ITGAX: variants seen among roughly 807,000 people sequenced by gnomAD.
The protein encoded by ITGAX is integrin subunit alpha X.
ITGAX carries 99 observed loss-of-function variants against 140.2 expected under a neutral mutation model. The observed-to-expected ratio is 0.71, with a 90% CI of 0.60 to 0.83. The LOEUF is 0.83. Ranked by LOEUF, ITGAX falls within the 40% of genes least tolerant of loss-of-function variation. The probability of loss-of-function intolerance (pLI) is 0.00; values close to 1 mark genes in which losing one functional copy is unlikely to be tolerated. For synonymous variants in ITGAX, 631 were observed against 600.4 expected, an observed-to-expected ratio of 1.05 and a Z score of -0.75; for missense variants, 1,444 against 1,482.0, an observed-to-expected ratio of 0.97 and a Z score of 0.42.
At chr16:31,376,101 T>C (rs2081016740) in intron 20 of ITGAX, among the ~76,000 whole-genome samples, 1 of 152,232 alleles carries the variant, frequency 6.6e-6, no homozygotes, top group Non-Finnish European at 1.5e-5. Context: ...CTTTAAAGTG[T>C]TCAGAAAGAG....
At position 31,379,573 on chromosome 16, in the gene ITGAX, A is replaced by G. The variant is rs1253807732; in HGVS notation, c.2795A>G (p.Glu932Gly). The G allele has an allele frequency of 6.4e-7, 1 of 1,560,454 alleles. No individual in the cohort carries two copies. The highest frequency in any genetic ancestry group is 8.7e-7 in the Non-Finnish European group (1 of 1,150,898). ...TATGCGTCTTCTCTCTCCAGCCACG[A>G]ACAATTCACCAAATACCTCAACTTC... ...YAVYTVVSSH[E>G]QFTKYLNFSE... Residue 932 changes from glutamate to glycine, a missense_variant, in exon 24 of 30, where the codon GAA (glutamate) becomes GGA (glycine). Glu to Gly is a moderately conservative substitution (Grantham distance 98). Coordinates refer to ENST00000268296, the MANE Select transcript of ITGAX (RefSeq NM_000887.5).
At position 31,380,107 on chromosome 16, in the gene ITGAX, T is replaced by A. The variant is rs548620873; in HGVS notation, c.3060+42T>A. ...GCTGGCCCTCACTGTAGGCCCCACATCAGAGGAATTTAACCCAGGAGTTCA... is the reference window on the plus strand; with the variant it reads ...GCTGGCCCTCACTGTAGGCCCCACAACAGAGGAATTTAACCCAGGAGTTCA... On this transcript the variant is annotated intron_variant, in intron 26 of 29. Coordinates refer to ENST00000268296, the MANE Select transcript of ITGAX (RefSeq NM_000887.5). 11 of 1,587,716 alleles carry A rather than the reference T, an allele frequency of 6.9e-6. No homozygotes were observed. The East Asian group carries it at 2.5e-4, about 35-fold the overall frequency.
At chr16:31,364,851 T>TCCA (rs762052422) in intron 14 of ITGAX, among the ~76,000 whole-genome samples, 7 of 104,726 alleles carry the variant, frequency 6.7e-5, no homozygotes, top group Non-Finnish European at 1.3e-4. Flanking sequence ...CTACTAAAAA[T>TCCA]ACAAAAAAAA....
chr16:31,382,265 AG>A lies in ITGAX; in HGVS notation c.*359del. ...TTTTCTTTTCTTTTTTTTTTTTTTGAGACGGAGTCTCGCTCTGTCACCCAGG... is the reference window on the plus strand; with the variant it reads ...TTTTCTTTTCTTTTTTTTTTTTTTGAACGGAGTCTCGCTCTGTCACCCAGG... On this transcript the variant is annotated 3_prime_UTR_variant, in exon 30 of 30. Coordinates refer to ENST00000268296, the MANE Select transcript of ITGAX (RefSeq NM_000887.5). 1.5e-6 allele frequency: 1 copy of A among 671,918 alleles called. No individual in the cohort carries two copies. The highest frequency in any genetic ancestry group is 1.8e-6 in the Non-Finnish European group (1 of 565,128). 41.6% of individuals were successfully genotyped at this position (671,918 alleles called of 1,614,324 possible).
In ITGAX at chr16:31,380,382, G is replaced by A. The variant is rs2081057346; in HGVS notation, c.3174+3G>A. The A allele has an allele frequency of 3.7e-6, 6 of 1,613,750 alleles. No individual in the cohort carries two copies. Among genetic ancestry groups the A allele is most frequent in the African/African-American group, 2.7e-5 (2 of 74,920 alleles). On this transcript the variant is annotated splice_donor_region_variant and intron_variant, in intron 27 of 29. Transcript: ENST00000268296. ...TCAGCTTTGGCTGGGTCCGCCAGGT[G>A]TGTGGGTGCAACGACAGAGCCCCTG...
At chr16:31,380,486 G>C (rs953345470) in intron 27 of ITGAX, 37 bp from the exon 28 acceptor site, 1 of 1,613,938 alleles carries the variant, frequency 6.2e-7, no homozygotes, top group Non-Finnish European at 8.5e-7. Context: ...GCCTCCCCCA[G>C]AGCCAGTTCA....
chr16:31,356,839 C>G (rs569113470), intron 3 of ITGAX, 111 bp downstream of exon 3: 3 of 889,670 alleles, frequency 3.4e-6, no homozygotes, highest in Admixed American at 2.5e-5. Context: ...GTCTGAGACC[C>G]TCACCCTCAG....
chr16:31,363,002 T>C lies in ITGAX; in HGVS notation c.1427T>C (p.Val476Ala), dbSNP rs768286697. Residue 476 changes from valine to alanine, a missense_variant, in exon 13 of 30, where the codon GTC (valine) becomes GCC (alanine). Transcript: ENST00000268296. ...DVDSDGSTDL[V>A]LIGAPHYYEQ... ...GACAGCGACGGCAGCACCGACCTGG[T>C]CCTCATCGGGGCCCCCCATTACTAC... The C allele has an allele frequency of 6.2e-6, 10 of 1,607,520 alleles. No individual in the cohort carries two copies. The African/African-American group carries it at 1.2e-4, about 20-fold the overall frequency.
Position 31,362,073 on chromosome 16 carries a change from A to G in ITGAX, c.1087-2A>G, listed in dbSNP as rs1199143899. 1.2e-6 allele frequency: 2 copies of G among 1,614,016 alleles called. No homozygotes were observed. Among genetic ancestry groups the G allele is most frequent in the Non-Finnish European group, 1.7e-6 (2 of 1,179,952 alleles). ...CTCAGCCCTGGAATCCTTTTCTCCC[A>G]GGATGGCCCCGTTCTGGGGGCTGTG... is the stretch of plus-strand genomic sequence containing the variant. On this transcript the variant is annotated splice_acceptor_variant, in intron 10 of 29. Coordinates refer to ENST00000268296, the MANE Select transcript of ITGAX (RefSeq NM_000887.5). LOFTEE classifies it high-confidence loss of function.
In ITGAX at chr16:31,361,908, C is replaced by T. The variant is rs142750657; in HGVS notation, c.1085C>T (p.Pro362Leu). 9.4e-5 allele frequency: 151 copies of T among 1,613,938 alleles called. No individual in the cohort carries two copies. Among genetic ancestry groups the T allele is most frequent in the Non-Finnish European group, 1.3e-4 (148 of 1,180,016 alleles). ...GAGGGCTTCAGCGCTGTGTTCACAC[C>T]TGTGAGTGGGGCCCCTTAGGCCGAT... ...AQEGFSAVFT[P>L]DGPVLGAVGS... The change falls in exon 10 of 30, where the codon CCT becomes CTT. Residue 362 changes from proline to leucine, a missense_variant and splice_region_variant. Transcript: ENST00000268296.
intron 14 of ITGAX, among the ~76,000 whole-genome samples, chr16:31,366,562 C>A (rs2080894816): frequency 6.6e-6 from 1 of 152,250 alleles, no homozygotes; most frequent in Non-Finnish European, 1.5e-5. Context: ...GTCACCCAGC[C>A]TGGAGTACAC....
In ITGAX at chr16:31,382,015, G is replaced by A. The variant is rs1044214626; in HGVS notation, c.*108G>A. The stretch of plus-strand genomic sequence containing the variant: ...ACCACTGCACCACCGAGAGAGGCTG[G>A]GATGGGCCTGCTTCCTGTCTTTGGG... On this transcript the variant is annotated 3_prime_UTR_variant, in exon 30 of 30. Coordinates refer to ENST00000268296, the MANE Select transcript of ITGAX (RefSeq NM_000887.5). 1 of 1,475,382 alleles carries A rather than the reference G, an allele frequency of 6.8e-7. No homozygotes were observed. 91.4% of individuals were successfully genotyped at this position (1,475,382 alleles called of 1,614,324 possible). A position where few individuals can be genotyped will look rare whatever the true frequency, so the allele number is the denominator to read the frequency against.
At position 31,371,498 on chromosome 16, in the gene ITGAX, G is replaced by GT. The variant is rs1597076791; in HGVS notation, c.2005+2dup. 6.2e-7 allele frequency: 1 copy of GT among 1,613,660 alleles called. No homozygotes were observed. Among genetic ancestry groups the GT allele is most frequent in the Non-Finnish European group, 8.5e-7 (1 of 1,179,680 alleles). On this transcript the variant is annotated splice_donor_variant, in intron 16 of 29. Coordinates refer to ENST00000268296, the MANE Select transcript of ITGAX (RefSeq NM_000887.5). LOFTEE classifies it high-confidence loss of function. ...CGTTCTAAGAACCTGCTTGGGAGCC[G>GT]TGAGTCCCCTCCCCTCCAACCCAGG...
intron 9 of ITGAX, 26 bp downstream of exon 9, chr16:31,361,239 T>C (rs1184804225): frequency 6.3e-7 from 1 of 1,589,196 alleles, no homozygotes; most frequent in East Asian, 2.3e-5. Flanking sequence ...GCTCTTCGCT[T>C]GGGGAATCCT....
At chr16:31,379,436 T>C in intron 23 of ITGAX, 132 bp from the exon 24 acceptor site, 1 of 857,540 alleles carries the variant, frequency 1.2e-6, no homozygotes, top group East Asian at 2.7e-5. Context: ...TCTTATAACC[T>C]AACTCAGCCA....
chr16:31,357,418 GTGCGGTGGGC>G, intron 5 of ITGAX, 54 bp downstream of exon 5: 1 of 1,188,736 alleles, frequency 8.4e-7, no homozygotes, highest in Non-Finnish European at 1.2e-6. Flanking sequence ...CCAATTGGGG[GTGCGGTGGGC>G]TAGAGACAGT....
rs1597079573 is a variant in ITGAX at position 31,373,405 on chromosome 16, G to T, written c.2508+15G>T. The T allele has an allele frequency of 4.4e-6, 7 of 1,605,704 alleles. No individual in the cohort carries two copies. Among genetic ancestry groups the T allele is most frequent in the Non-Finnish European group, 6.0e-6 (7 of 1,175,686 alleles). ...CAGAGGGCCAGGTGCACCCTCTGGG[G>T]AAGGAGGAGGAGGCAGGGCTGGGCG... On this transcript the variant is annotated intron_variant, in intron 20 of 29. Coordinates refer to ENST00000268296, the MANE Select transcript of ITGAX (RefSeq NM_000887.5).
rs370440940 is a variant in ITGAX, at chr16:31,380,320, G to A, written c.3115G>A (p.Val1039Ile). The change falls in exon 27 of 30, where the codon GTC (valine) becomes ATC (isoleucine). Residue 1039 changes from valine (V) to isoleucine (I), a missense_variant. Val to Ile is a conservative substitution (Grantham distance 29, BLOSUM62 3). Coordinates refer to ENST00000268296, the MANE Select transcript of ITGAX (RefSeq NM_000887.5). ...CCGCTGTGACGTCCCCTCCTTCAGC[G>A]TCCAGGAGGAGCTGGATTTCACCCT... Reference protein sequence around the residue: ...RFRCDVPSFSVQEELDFTLKG... With the variant: ...RFRCDVPSFSIQEELDFTLKG... The A allele has an allele frequency of 2.8e-5, 45 of 1,614,164 alleles. No individual in the cohort carries two copies. The highest frequency in any genetic ancestry group is 8.0e-5 in the African/African-American group (6 of 75,044).
chr16:31,377,319 G>T (rs11574643), intron 23 of ITGAX, 54 bp downstream of exon 23: 13 of 1,040,904 alleles, frequency 1.2e-5, no homozygotes, highest in Non-Finnish European at 1.7e-5. Context: ...ACCTCAAAAA[G>T]AAAAAAAAAA....
Sources: allele counts gnomAD v4.1 joint callset (sites outside exome capture counted in the v4.1 genomes callset), GRCh38; gene constraint gnomAD v4.1.1; transcripts MANE v1.5; gene names NCBI Gene and HGNC (gene_info 2026-07-23, HGNC 2026-07-21).